JPH2: variants seen among roughly 807,000 people sequenced by gnomAD.
The protein encoded by JPH2 is junctophilin-2.
In JPH2, 38 loss-of-function variants were observed where a neutral mutation model predicts 55.9. The ratio of observed to expected loss-of-function variants is 0.68; its 90% confidence interval spans 0.52 to 0.89. The LOEUF (loss-of-function observed/expected upper bound fraction) is 0.89, where lower values mean the gene tolerates loss of function less well. JPH2 is among the 40% of genes least tolerant of loss of function. The probability of loss-of-function intolerance (pLI) is 0.00; values close to 1 mark genes in which losing one functional copy is unlikely to be tolerated. For missense variants in JPH2, 964 were observed against 1,037.6 expected (o/e 0.93, Z 0.97); for synonymous variants, 480 against 472.4 (o/e 1.02, Z -0.21).
chr20:44,173,635 G>A (rs1294974198), intron 1 of JPH2, among the ~76,000 whole-genome samples: 1 of 152,114 alleles, frequency 6.6e-6, no homozygotes, highest in African/African-American at 2.4e-5. Context: ...ACAAACAAAG[G>A]CTGGGTGCTG....
chr20:44,138,935 G>A (rs1271338740), intron 2 of JPH2, among the ~76,000 whole-genome samples: 2 of 152,148 alleles, frequency 1.3e-5, no homozygotes, highest in Admixed American at 6.5e-5. Flanking sequence ...GCAGTGACTG[G>A]CATTTGGCAA....
At chr20:44,122,017 C>T (rs1428499099) in intron 2 of JPH2, among the ~76,000 whole-genome samples, 1 of 152,012 alleles carries the variant, frequency 6.6e-6, no homozygotes, top group Non-Finnish European at 1.5e-5. Flanking sequence ...AAAGAATTCA[C>T]CCAAGCTTAC....
intron 2 of JPH2, among the ~76,000 whole-genome samples, chr20:44,149,972 A>G (rs931982105): frequency 0.015 from 864 of 58,468 alleles, 14 homozygotes; most frequent in African/African-American, 0.073. Flanking sequence ...GGAAAAAAAA[A>G]AAAAAAAAAA....
At chr20:44,171,735 C>T (rs556135691) in intron 1 of JPH2, among the ~76,000 whole-genome samples, 8 of 152,364 alleles carry the variant, frequency 5.3e-5, no homozygotes, top group Admixed American at 3.9e-4. Flanking sequence ...AACATCACTT[C>T]CTCAAGGACG....
chr20:44,175,621 C>A (rs563758598), intron 1 of JPH2, among the ~76,000 whole-genome samples: 1 of 152,176 alleles, frequency 6.6e-6, no homozygotes, highest in African/African-American at 2.4e-5. Flanking sequence ...CAGGTTGCAG[C>A]GGGTGGATGA....
At chr20:44,134,804 TA>T (rs376764398) in intron 2 of JPH2, among the ~76,000 whole-genome samples, 25,626 of 106,260 alleles carry the variant, frequency 0.24, 2,902 homozygotes, top group East Asian at 0.39. Flanking sequence ...ACATTTATTA[TA>T]AATATATATA....
In JPH2 at chr20:44,138,886, C is replaced by T. The variant is rs193199789; in HGVS notation, c.1170-20263G>A. Among the ~76,000 whole-genome samples, 428 of 152,120 alleles carry T rather than the reference C, an allele frequency of 2.8e-3. 1 individual carries two copies. Among genetic ancestry groups the T allele is most frequent in the Admixed American group, 8.2e-3 (125 of 15,262 alleles). On this transcript the variant is annotated intron_variant, in intron 2 of 5. Transcript: ENST00000372980. ...ATGTTTTTTAAATAGTAAGGGGATC[C>T]AGACAGCATGTGGACACGGCGCGGC...
intron 2 of JPH2, among the ~76,000 whole-genome samples, chr20:44,132,576 G>T (rs1195188613): frequency 6.6e-6 from 1 of 151,632 alleles, no homozygotes; most frequent in Non-Finnish European, 1.5e-5. Flanking sequence ...GCCGGAGAGG[G>T]CTGGGTATCT....
At chr20:44,135,091 T>C (rs955265990) in intron 2 of JPH2, among the ~76,000 whole-genome samples, 6 of 151,056 alleles carry the variant, frequency 4.0e-5, no homozygotes, top group African/African-American at 1.5e-4. Flanking sequence ...TATTTAACAA[T>C]TGGCATGACC....
At chr20:44,153,162 G>T (rs1220864782) in intron 2 of JPH2, among the ~76,000 whole-genome samples, 2 of 152,110 alleles carry the variant, frequency 1.3e-5, no homozygotes, top group East Asian at 3.9e-4. Flanking sequence ...TTCCCTTGGG[G>T]CAATTTCATT....
rs147407445 is a variant in JPH2 at position 44,118,589 on chromosome 20, C to T, written c.1204G>A (p.Glu402Lys). ...SHAKAKAEAA[E>K]QAALAANQES... ...TGGTTGGCAGCCAGGGCGGCCTGTT[C>T]CGCTGCCTCAGCTTTGGCCTTGGCG... The change falls in exon 3 of 6, where the codon GAA becomes AAA. Residue 402 changes from glutamate (E) to lysine (K), a missense_variant. Transcript: ENST00000372980. 7.2e-4 allele frequency: 1,164 copies of T among 1,612,178 alleles called. 1 individual carries two copies. The highest frequency in any genetic ancestry group is 9.6e-4 in the Non-Finnish European group (1,130 of 1,180,034).
chr20:44,117,465 A>C (rs1355114504), intron 3 of JPH2, among the ~76,000 whole-genome samples: 4 of 152,128 alleles, frequency 2.6e-5, no homozygotes, highest in Non-Finnish European at 1.5e-5. Context: ...GCTCTGTCCG[A>C]GTTTCTGTGC....
At chr20:44,183,271 G>A (rs188234710) in intron 1 of JPH2, among the ~76,000 whole-genome samples, 58 of 152,314 alleles carry the variant, frequency 3.8e-4, no homozygotes, top group African/African-American at 1.4e-3. Flanking sequence ...ACTGTGCCTG[G>A]CATAAACATC....
intron 1 of JPH2, among the ~76,000 whole-genome samples, chr20:44,176,456 A>G (rs2145894146): frequency 6.6e-6 from 1 of 151,896 alleles, no homozygotes; most frequent in Non-Finnish European, 1.5e-5. Context: ...TCAAGGGTAC[A>G]TACTGTAGGT....
intron 1 of JPH2, among the ~76,000 whole-genome samples, chr20:44,163,670 C>A (rs949253060): frequency 6.6e-6 from 1 of 152,188 alleles, no homozygotes; most frequent in Non-Finnish European, 1.5e-5. Flanking sequence ...AAATGGGATC[C>A]AAGCCTAAGC....
At chr20:44,145,943 A>C (rs2072491258) in intron 2 of JPH2, among the ~76,000 whole-genome samples, 1 of 152,054 alleles carries the variant, frequency 6.6e-6, no homozygotes, top group Non-Finnish European at 1.5e-5. Flanking sequence ...CTTTTTCTGA[A>C]GACTGAAGGA....
intron 1 of JPH2, among the ~76,000 whole-genome samples, chr20:44,180,357 T>C (rs756085695): frequency 1.3e-5 from 2 of 151,946 alleles, no homozygotes; most frequent in Non-Finnish European, 2.9e-5. Flanking sequence ...TTTGACACAG[T>C]GTCTCATTCT....
intron 2 of JPH2, among the ~76,000 whole-genome samples, chr20:44,150,608 C>A (rs2072524568): frequency 6.6e-6 from 1 of 152,210 alleles, no homozygotes; most frequent in South Asian, 2.1e-4. Flanking sequence ...TTAGAGGACT[C>A]ACATTTCCCA....
chr20:44,155,217 C>T (rs1043100674), intron 2 of JPH2, among the ~76,000 whole-genome samples: 1 of 152,186 alleles, frequency 6.6e-6, no homozygotes, highest in Non-Finnish European at 1.5e-5. Context: ...TCCTTCTAAC[C>T]ACCCTATGAG....
Sources: gnomAD v4.1 joint callset for allele counts (sites outside exome capture counted in the v4.1 genomes callset) on GRCh38, gnomAD v4.1.1 for gene constraint, MANE v1.5 for transcripts, NCBI Gene and HGNC (gene_info 2026-07-23, HGNC 2026-07-21) for gene names.